DMD: variants seen among roughly 807,000 people sequenced by gnomAD.
DMD encodes the protein dystrophin.
Under a neutral mutation model 330.1 loss-of-function variants are expected in DMD, and 63 were observed. That is an observed-to-expected ratio of 0.19 (90% confidence interval 0.16 to 0.24). The LOEUF is 0.24. Ranked by LOEUF, DMD falls within the 10% of genes least tolerant of loss-of-function variation. DMD has a pLI of 1.00. For missense variants in DMD, 3,344 were observed against 2,684.1 expected (o/e 1.25, Z -5.43); for synonymous variants, 1,223 against 959.8 (o/e 1.27, Z -5.07).
intron 2 of DMD, among the ~76,000 whole-genome samples, chrX:32,873,271 C>T (rs1443670737): frequency 9.1e-6 from 1 of 109,903 alleles, no homozygotes; most frequent in Non-Finnish European, 1.9e-5. Context: ...AATTGGCTAC[C>T]AACATCTCTA....
intron 7 of DMD, among the ~76,000 whole-genome samples, chrX:32,789,776 C>A (rs193163808): frequency 9.8e-4 from 110 of 111,865 alleles, no homozygotes; most frequent in Middle Eastern, 4.6e-3. Context: ...GACTGCCCTA[C>A]TTAAACATTT....
At chrX:33,116,836 A>G (rs1265561641) in intron 1 of DMD, among the ~76,000 whole-genome samples, 1 of 111,116 alleles carries the variant, frequency 9.0e-6, no homozygotes, top group Non-Finnish European at 1.9e-5. Flanking sequence ...GCTGGCCTGT[A>G]TAGGAGAGAG....
chrX:31,278,274 T>G (rs1205410889), intron 62 of DMD, among the ~76,000 whole-genome samples: 2 of 111,595 alleles, frequency 1.8e-5, no homozygotes, highest in African/African-American at 6.5e-5. Flanking sequence ...TCATGCATCA[T>G]TATAATTTCT....
chrX:33,023,994 T>C (rs1191637210), intron 1 of DMD, among the ~76,000 whole-genome samples: 1 of 111,784 alleles, frequency 8.9e-6, no homozygotes, highest in Non-Finnish European at 1.9e-5. Context: ...CGTATTTACT[T>C]GAATTGATAT....
At chrX:31,667,431 T>C (rs1189868483) in intron 53 of DMD, among the ~76,000 whole-genome samples, 3 of 111,238 alleles carry the variant, frequency 2.7e-5, no homozygotes, top group Non-Finnish European at 5.7e-5. Context: ...TTTTTATTTC[T>C]GTTCAGCATA....
chrX:32,912,096 GGGA>G lies in DMD; in HGVS notation c.94-62279_94-62277del, dbSNP rs778850857. Among the ~76,000 whole-genome samples, 297 of 108,270 alleles carry G rather than the reference GGGA, an allele frequency of 2.7e-3. 2 individuals are homozygous for G. Among genetic ancestry groups the G allele is most frequent in the African/African-American group, 9.7e-3 (288 of 29,781 alleles). The allele number at this position is 108,270 out of a possible 115,157, so 94.0% of individuals were successfully genotyped here. ...GGGAGGAGGAAGAGGAGAAGGAATG[GGGA>G]GGAGGAGGAAAGAAGAAGGCAGGGT... On this transcript the variant is annotated intron_variant, in intron 2 of 78. Coordinates refer to ENST00000357033, the MANE Select transcript of DMD (RefSeq NM_004006.3).
At chrX:31,811,422 C>T (rs1176632987) in intron 50 of DMD, among the ~76,000 whole-genome samples, 1 of 111,893 alleles carries the variant, frequency 8.9e-6, no homozygotes, top group African/African-American at 3.2e-5. Context: ...TTGTCACTCC[C>T]CTTTCTACAG....
chrX:31,766,128 T>C (rs779684848), intron 51 of DMD, among the ~76,000 whole-genome samples: 7 of 111,466 alleles, frequency 6.3e-5, no homozygotes, highest in Non-Finnish European at 1.1e-4. Flanking sequence ...AAAAACCTTA[T>C]TACATTGCTT....
At chrX:33,195,846 G>A (rs2050905003) in intron 1 of DMD, among the ~76,000 whole-genome samples, 1 of 109,056 alleles carries the variant, frequency 9.2e-6, no homozygotes, top group South Asian at 3.9e-4. Context: ...ATACAGTGAT[G>A]TAATGGCTAA....
intron 42 of DMD, among the ~76,000 whole-genome samples, chrX:32,295,200 T>C (rs140489515): frequency 0.015 from 1,688 of 112,105 alleles, 27 homozygotes; most frequent in African/African-American, 0.052. Flanking sequence ...ACAAATGGAA[T>C]TTTAATTTCT....
intron 4 of DMD, among the ~76,000 whole-genome samples, chrX:32,828,335 C>A (rs1056316973): frequency 9.0e-6 from 1 of 110,721 alleles, no homozygotes; most frequent in African/African-American, 3.3e-5. Flanking sequence ...GATTAACATT[C>A]CCACCAGCAG....
chrX:32,624,877 A>G (rs1364825559), intron 11 of DMD, among the ~76,000 whole-genome samples: 1 of 112,560 alleles, frequency 8.9e-6, no homozygotes, highest in African/African-American at 3.2e-5. Context: ...AAACTCTGTT[A>G]GAATGTAGGA....
intron 41 of DMD, among the ~76,000 whole-genome samples, chrX:32,317,467 C>T (rs1477453917): frequency 9.0e-6 from 1 of 111,395 alleles, no homozygotes; most frequent in Non-Finnish European, 1.9e-5. Flanking sequence ...TCATCTGAAA[C>T]TTAAGTTATC....
intron 44 of DMD, among the ~76,000 whole-genome samples, chrX:32,115,860 T>A (rs1474746625): frequency 1.8e-5 from 2 of 111,606 alleles, no homozygotes; most frequent in African/African-American, 6.5e-5. Context: ...CTGAACCACC[T>A]CTGATGTGGA....
intron 7 of DMD, among the ~76,000 whole-genome samples, chrX:32,744,238 T>C (rs1022127918): frequency 9.1e-6 from 1 of 110,325 alleles, no homozygotes; most frequent in African/African-American, 3.3e-5. Flanking sequence ...CTTTTGAATA[T>C]TATCAAAACT....
In DMD at chrX:32,075,287, A is replaced by G. The variant is rs2096334909; in HGVS notation, c.6439-106773T>C. Among the ~76,000 whole-genome samples the G allele has an allele frequency of 2.7e-5, 3 of 112,166 alleles. No individual in the cohort carries two copies. The Admixed American group carries it at 2.8e-4, about 11-fold the overall frequency. On this transcript the variant is annotated intron_variant, in intron 44 of 78. Coordinates refer to ENST00000357033, the MANE Select transcript of DMD (RefSeq NM_004006.3). ...CTGTAAAAATAATTTATCCATATGT[A>G]GGATTTTTTTCAGTTGGAGAAAGCA...
At chrX:32,999,215 G>A (rs1378836042) in intron 2 of DMD, among the ~76,000 whole-genome samples, 12 of 112,642 alleles carry the variant, frequency 1.1e-4, no homozygotes, top group African/African-American at 3.9e-4. Context: ...CAGCCTACAG[G>A]CTGCATGAGG....
chrX:31,164,373 T>C (rs1156834856), intron 74 of DMD, among the ~76,000 whole-genome samples: 1 of 111,477 alleles, frequency 9.0e-6, no homozygotes, highest in African/African-American at 3.3e-5. Context: ...TTTATCACCT[T>C]CCAGCTACTC....
chrX:32,583,161 T>G (rs1195808818), intron 13 of DMD, among the ~76,000 whole-genome samples: 1 of 112,266 alleles, frequency 8.9e-6, no homozygotes, highest in Non-Finnish European at 1.9e-5. Flanking sequence ...GAATAAAGTC[T>G]TTCTTGCCTG....
Sources: allele counts gnomAD v4.1 joint callset (sites outside exome capture counted in the v4.1 genomes callset), GRCh38; gene constraint gnomAD v4.1.1; transcripts MANE v1.5; gene names NCBI Gene and HGNC (gene_info 2026-07-23, HGNC 2026-07-21).